The following KLF7 variants were observed in gnomAD, a reference collection of about 807,000 sequenced individuals.
KLF7 encodes KLF transcription factor 7.
In KLF7, 2 loss-of-function variants were observed where a neutral mutation model predicts 27.3. The ratio of observed to expected loss-of-function variants is 0.07; its 90% CI spans 0.03 to 0.23. The LOEUF is 0.23. Among genes scored for constraint, KLF7 ranks in the 10% least tolerant of loss-of-function variants. The pLI, the probability that KLF7 is intolerant of heterozygous loss-of-function variation, is 1.00. For missense variants in KLF7, 221 were observed against 394.1 expected (o/e 0.56, Z 3.72); for synonymous variants, 165 against 162.4 (o/e 1.02, Z -0.12).
intron 1 of KLF7, among the ~76,000 whole-genome samples, chr2:207,147,458 T>C (rs1341888813): frequency 6.6e-6 from 1 of 152,252 alleles, no homozygotes; most frequent in Non-Finnish European, 1.5e-5. Context: ...TCCTTTTATT[T>C]GAAGTGTTAT....
intron 1 of KLF7, among the ~76,000 whole-genome samples, chr2:207,162,016 CAAAT>C (rs2078562654): frequency 6.6e-6 from 1 of 152,094 alleles, no homozygotes; most frequent in Admixed American, 6.5e-5. Flanking sequence ...AAGCTAAGTC[CAAAT>C]AAGACTTAGA....
At chr2:207,096,809 C>T (rs1026829350) in intron 2 of KLF7, among the ~76,000 whole-genome samples, 2 of 152,198 alleles carry the variant, frequency 1.3e-5, no homozygotes, top group African/African-American at 4.8e-5. Context: ...AGATAATACA[C>T]TTATTTACAT....
At chr2:207,107,647 G>T (rs956182790) in intron 2 of KLF7, among the ~76,000 whole-genome samples, 1 of 152,190 alleles carries the variant, frequency 6.6e-6, no homozygotes, top group Admixed American at 6.5e-5. Context: ...CGGCTCCTGT[G>T]TGCAGCCGTC....
intron 1 of KLF7, among the ~76,000 whole-genome samples, chr2:207,155,016 T>A (rs1448684861): frequency 6.6e-6 from 1 of 152,204 alleles, no homozygotes; most frequent in Non-Finnish European, 1.5e-5. Context: ...TAATGTCCCC[T>A]ACCTAAAGAG....
At chr2:207,168,678 A>T (rs1464798290), upstream of KLF7, among the ~76,000 whole-genome samples, 1 of 152,256 alleles carries the variant, frequency 6.6e-6, no homozygotes, top group Non-Finnish European at 1.5e-5. Flanking sequence ...TTTACAAAGC[A>T]AATACTGCAA....
At chr2:207,135,210 T>A (rs920932038) in intron 1 of KLF7, among the ~76,000 whole-genome samples, 1 of 151,882 alleles carries the variant, frequency 6.6e-6, no homozygotes, top group East Asian at 1.9e-4. Flanking sequence ...TGGAATTCTA[T>A]GAGGAAGCAA....
intron 2 of KLF7, among the ~76,000 whole-genome samples, chr2:207,093,645 A>C (rs974284690): frequency 6.6e-6 from 1 of 152,226 alleles, no homozygotes; most frequent in South Asian, 2.1e-4. Context: ...CATAAGCTTC[A>C]TGCAGACATC....
At chr2:207,136,021 A>T (rs1314912273) in intron 1 of KLF7, among the ~76,000 whole-genome samples, 1 of 152,160 alleles carries the variant, frequency 6.6e-6, no homozygotes, top group Non-Finnish European at 1.5e-5. Flanking sequence ...GAAGAGAAGC[A>T]ATTAGGATGA....
Position 207,115,169 on chromosome 2 carries a change from T to G in KLF7, c.733+8605A>C, listed in dbSNP as rs576442517. Among the ~76,000 whole-genome samples, 251 of 150,644 alleles carry G rather than the reference T, an allele frequency of 1.7e-3. 2 individuals carry two copies. Among genetic ancestry groups the G allele is most frequent in the African/African-American group, 5.7e-3 (233 of 40,702 alleles). On this transcript the variant is annotated intron_variant, in intron 2 of 3. Transcript: ENST00000309446. Reference sequence around the variant, plus strand: ...CTTTTGAAGGGAAGAAAAAAAAAGATGTCAGTTGCAAAAAAAAAAAGGGGG... The same window carrying G: ...CTTTTGAAGGGAAGAAAAAAAAAGAGGTCAGTTGCAAAAAAAAAAAGGGGG...
At chr2:207,082,750 G>C (rs995403258) in intron 3 of KLF7, among the ~76,000 whole-genome samples, 1 of 152,182 alleles carries the variant, frequency 6.6e-6, no homozygotes, top group Non-Finnish European at 1.5e-5. Context: ...CAAAACTCCT[G>C]TCAGAATGTT....
chr2:207,092,548 G>C (rs62188615), intron 2 of KLF7, among the ~76,000 whole-genome samples: 11,960 of 152,290 alleles, frequency 0.079, 651 homozygotes, highest in Non-Finnish European at 0.12. Flanking sequence ...ATGAGGGCTC[G>C]TAAGGAGAGG....
chr2:207,092,770 T>C (rs2076541756), intron 2 of KLF7, among the ~76,000 whole-genome samples: 2 of 152,362 alleles, frequency 1.3e-5, no homozygotes, highest in African/African-American at 4.8e-5. Flanking sequence ...CATGCATCTA[T>C]GATATATGTA....
At chr2:207,129,161 A>T (rs1402304079) in intron 1 of KLF7, among the ~76,000 whole-genome samples, 1 of 152,210 alleles carries the variant, frequency 6.6e-6, no homozygotes, top group South Asian at 2.1e-4. Flanking sequence ...GTGTCCCTAA[A>T]CTGTAAATTT....
chr2:207,117,410 A>C (rs924017395), intron 2 of KLF7, among the ~76,000 whole-genome samples: 15 of 152,220 alleles, frequency 9.9e-5, no homozygotes, highest in African/African-American at 3.6e-4. Flanking sequence ...GCTAAATCCA[A>C]ATTATCAAAC....
chr2:207,092,704 T>C (rs1484552783), intron 2 of KLF7, among the ~76,000 whole-genome samples: 1 of 152,222 alleles, frequency 6.6e-6, no homozygotes, highest in East Asian at 1.9e-4. Context: ...ACTCTCCCTA[T>C]ATCGTGATCA....
intron 3 of KLF7, among the ~76,000 whole-genome samples, chr2:207,081,589 G>A (rs1412668414): frequency 6.6e-6 from 1 of 152,118 alleles, no homozygotes; most frequent in Non-Finnish European, 1.5e-5. Context: ...CTTAGAATAC[G>A]GACTGGCACA....
At chr2:207,128,090 G>T (rs73983187) in intron 1 of KLF7, among the ~76,000 whole-genome samples, 6,081 of 152,144 alleles carry the variant, frequency 0.04, 393 homozygotes, top group African/African-American at 0.14. Flanking sequence ...AGGGAACCAG[G>T]ACTCCCTAGA....
chr2:207,160,396 G>T (rs2078510048), intron 1 of KLF7, among the ~76,000 whole-genome samples: 1 of 152,162 alleles, frequency 6.6e-6, no homozygotes, highest in Non-Finnish European at 1.5e-5. Flanking sequence ...TAGGCTAACT[G>T]ATATATCGAG....
At chr2:207,134,891 C>G in intron 1 of KLF7, among the ~76,000 whole-genome samples, 1 of 152,156 alleles carries the variant, frequency 6.6e-6, no homozygotes, top group East Asian at 1.9e-4. Context: ...TGTGAGAGTT[C>G]AATCAATTGA....
Sources: allele counts gnomAD v4.1 joint callset (sites outside exome capture counted in the v4.1 genomes callset), GRCh38; gene constraint gnomAD v4.1.1; transcripts MANE v1.5; gene names NCBI Gene and HGNC (gene_info 2026-07-23, HGNC 2026-07-21).